The following RABGAP1L variants were observed in gnomAD, a reference collection of about 807,000 sequenced individuals.
RABGAP1L encodes RAB GTPase activating protein 1 like, also known as rab GTPase-activating protein 1-like.
In RABGAP1L, 63 loss-of-function variants were observed where a neutral mutation model predicts 137.7. That is an observed-to-expected ratio of 0.46 (90% CI 0.37 to 0.56). The LOEUF is 0.56. Among genes scored for constraint, RABGAP1L ranks in the 20% least tolerant of loss-of-function variants. The pLI is 0.00. For synonymous variants in RABGAP1L, 431 were observed against 433.7 expected (o/e 0.99, Z 0.08); for missense variants, 1,095 against 1,244.0 (o/e 0.88, Z 1.80).
chr1:174,596,682 C>T (rs780120094), intron 13 of RABGAP1L, among the ~76,000 whole-genome samples: 1 of 152,094 alleles, frequency 6.6e-6, no homozygotes, highest in African/African-American at 2.4e-5. Flanking sequence ...TTGACTTCTT[C>T]CATTTCAGTT....
At chr1:174,735,103 T>C (rs1317089046) in intron 17 of RABGAP1L, among the ~76,000 whole-genome samples, 1 of 151,708 alleles carries the variant, frequency 6.6e-6, no homozygotes, top group Non-Finnish European at 1.5e-5. Flanking sequence ...GCTAGGACTA[T>C]AGGCATGCAC....
intron 10 of RABGAP1L, among the ~76,000 whole-genome samples, chr1:174,291,448 T>G (rs1308149803): frequency 6.6e-6 from 1 of 152,162 alleles, no homozygotes; most frequent in Non-Finnish European, 1.5e-5. Flanking sequence ...TGGATTTTAG[T>G]GTTCATGTAG....
At chr1:174,949,663 T>C (rs1307080078) in intron 19 of RABGAP1L, among the ~76,000 whole-genome samples, 1 of 152,144 alleles carries the variant, frequency 6.6e-6, no homozygotes, top group African/African-American at 2.4e-5. Flanking sequence ...TTAGTAGAAG[T>C]TCTGGGCAGA....
intron 13 of RABGAP1L, among the ~76,000 whole-genome samples, chr1:174,627,800 A>G (rs990387476): frequency 3.3e-5 from 5 of 152,136 alleles, no homozygotes; most frequent in Non-Finnish European, 2.9e-5. Context: ...ACTTCTTTCT[A>G]CTTTGTGATC....
chr1:174,529,868 C>G (rs1361161315), intron 13 of RABGAP1L, among the ~76,000 whole-genome samples: 2 of 152,040 alleles, frequency 1.3e-5, no homozygotes, highest in Non-Finnish European at 2.9e-5. Context: ...AAAGGCCCAC[C>G]CTCAGGCCCA....
chr1:174,421,685 T>C (rs1211657137), intron 13 of RABGAP1L, among the ~76,000 whole-genome samples: 1 of 152,256 alleles, frequency 6.6e-6, no homozygotes, highest in African/African-American at 2.4e-5. Context: ...GTTTTTGCTT[T>C]CAGCATTTTG....
rs140884773 is a variant in RABGAP1L, at chr1:174,832,891, C to A, written c.2340+20931C>A. On this transcript the variant is annotated intron_variant, in intron 19 of 25. Transcript: ENST00000681986. ...TAGCAACCACCATAGCAATAATGTC[C>A]TGCTTCCTTGTATGCCTGGCATGTT... is the stretch of plus-strand genomic sequence containing the variant. 3.9e-5 allele frequency among the ~76,000 whole-genome samples: 6 copies of A among 152,290 alleles called. No individual in the cohort carries two copies. The East Asian group carries it at 1.2e-3, about 29-fold the overall frequency.
At chr1:174,892,394 C>A (rs1656330219) in intron 19 of RABGAP1L, 1 of 379,572 alleles carries the variant, frequency 2.6e-6, no homozygotes, top group Non-Finnish European at 5.1e-6. Flanking sequence ...CCAGCTCCAC[C>A]ACTATAATCC....
At chr1:174,781,074 G>T (rs564556057) in intron 18 of RABGAP1L, among the ~76,000 whole-genome samples, 2 of 151,980 alleles carry the variant, frequency 1.3e-5, no homozygotes, top group East Asian at 3.9e-4. Context: ...TATTCCTTTG[G>T]GTATATACCC....
chr1:174,694,528 C>T (rs1313978884), intron 15 of RABGAP1L, among the ~76,000 whole-genome samples: 1 of 151,474 alleles, frequency 6.6e-6, no homozygotes, highest in Non-Finnish European at 1.5e-5. Flanking sequence ...AGGACATGAA[C>T]TCATCATTTT....
rs375066364 is a variant in RABGAP1L at position 174,803,637 on chromosome 1, A to G, written c.2212-8195A>G. Reference sequence around the variant, plus strand: ...TTTTTTTTTTTTCAAATAGTCCCCTAAAAGAATCAAACATAGAATCTGCTG... The same window carrying G: ...TTTTTTTTTTTTCAAATAGTCCCCTGAAAGAATCAAACATAGAATCTGCTG... On this transcript the variant is annotated intron_variant, in intron 18 of 25. Coordinates refer to ENST00000681986, the MANE Select transcript of RABGAP1L (RefSeq NM_001366446.1). Among the ~76,000 whole-genome samples, 4 of 152,092 alleles carry G rather than the reference A, an allele frequency of 2.6e-5. No homozygotes were observed. In the South Asian group the frequency reaches 6.2e-4, roughly 24 times the overall value.
intron 11 of RABGAP1L, among the ~76,000 whole-genome samples, chr1:174,340,900 T>C (rs1023300080): frequency 3.3e-5 from 5 of 152,226 alleles, no homozygotes; most frequent in African/African-American, 4.8e-5. Context: ...AAGCGTCTCT[T>C]TTCCTTCACG....
At chr1:174,984,031 G>A (rs1273931795) in intron 24 of RABGAP1L, among the ~76,000 whole-genome samples, 2 of 137,954 alleles carry the variant, frequency 1.4e-5, no homozygotes, top group East Asian at 2.1e-4. Context: ...CTCTCCTGAA[G>A]TGAATTTTTT....
At chr1:174,526,498 T>G (rs1663887027) in intron 13 of RABGAP1L, among the ~76,000 whole-genome samples, 1 of 152,158 alleles carries the variant, frequency 6.6e-6, no homozygotes. Flanking sequence ...ACATTTTAAT[T>G]ATTGCTTCAA....
At chr1:174,418,398 A>G (rs1423477375) in intron 13 of RABGAP1L, among the ~76,000 whole-genome samples, 3 of 152,208 alleles carry the variant, frequency 2.0e-5, no homozygotes, top group Non-Finnish European at 2.9e-5. Flanking sequence ...GACCAGTACA[A>G]TGGTGTCTTA....
chr1:174,911,804 G>C (rs1660096345), intron 19 of RABGAP1L, among the ~76,000 whole-genome samples: 1 of 152,206 alleles, frequency 6.6e-6, no homozygotes, highest in African/African-American at 2.4e-5. Context: ...TGGAAACAGT[G>C]ATTTCTAAAC....
chr1:174,267,807 TGAAA>T (rs1414631112), intron 7 of RABGAP1L, among the ~76,000 whole-genome samples: 1 of 152,218 alleles, frequency 6.6e-6, no homozygotes, highest in Non-Finnish European at 1.5e-5. Flanking sequence ...TATTTATAAC[TGAAA>T]GTAAGAGAGT....
intron 13 of RABGAP1L, among the ~76,000 whole-genome samples, chr1:174,488,867 T>G (rs1209658478): frequency 1.3e-5 from 2 of 151,464 alleles, no homozygotes; most frequent in African/African-American, 2.4e-5. Context: ...CTGCACCCAT[T>G]AACTCATCAT....
chr1:174,725,430 T>TTTG (rs1229824848), intron 17 of RABGAP1L, among the ~76,000 whole-genome samples: 1 of 152,212 alleles, frequency 6.6e-6, no homozygotes, highest in Admixed American at 6.5e-5. Context: ...GTGAGGTTTA[T>TTTG]TTGTTGTTGT....
Sources: gnomAD v4.1 joint callset for allele counts (sites outside exome capture counted in the v4.1 genomes callset) on GRCh38, gnomAD v4.1.1 for gene constraint, MANE v1.5 for transcripts, NCBI Gene and HGNC (gene_info 2026-07-23, HGNC 2026-07-21) for gene names.